Variants in ZFHX3 observed in about 807,000 individuals in gnomAD.
ZFHX3 encodes the protein zinc finger homeobox 3.
ZFHX3 carries 42 observed loss-of-function variants against 279.1 expected under a neutral mutation model. The ratio of observed to expected loss-of-function variants is 0.15; its 90% CI spans 0.12 to 0.19. ZFHX3 has a LOEUF of 0.19. ZFHX3 is among the 10% of genes least tolerant of loss of function. The pLI, the probability that ZFHX3 is intolerant of heterozygous loss-of-function variation, is 1.00. For missense variants in ZFHX3, 4,981 were observed against 4,754.0 expected, an observed-to-expected ratio of 1.05 and a Z score of -1.40; for synonymous variants, 2,293 against 1,957.8, an observed-to-expected ratio of 1.17 and a Z score of -4.52.
chr16:72,818,282 C>A (rs2036673413), intron 5 of ZFHX3, among the ~76,000 whole-genome samples: 1 of 152,292 alleles, frequency 6.6e-6, no homozygotes, highest in Non-Finnish European at 1.5e-5. Context: ...AGCAGAAATG[C>A]AATGTTTCCA....
intron 4 of ZFHX3, among the ~76,000 whole-genome samples, chr16:72,874,773 C>T (rs1022618016): frequency 3.9e-5 from 6 of 152,180 alleles, no homozygotes; most frequent in East Asian, 1.9e-4. Flanking sequence ...GCATTGCCGG[C>T]GTAAGCCACC....
rs973287634 is a variant in ZFHX3 at position 73,047,808 on chromosome 16, G to A, written c.-106C>T. On this transcript the variant is annotated 5_prime_UTR_variant, in exon 1 of 10. Coordinates refer to ENST00000268489, the MANE Select transcript of ZFHX3 (RefSeq NM_006885.4). ...GGGAGGCGGCACTTGCAGGTCCGGG[G>A]GCCGCGCCGCCATGCGCAACAACGG... The A allele has an allele frequency of 8.5e-5, 13 of 152,456 alleles. No individual in the cohort carries two copies. The highest frequency in any genetic ancestry group is 8.5e-4 in the Admixed American group (13 of 15,294). The allele number at this position is 152,456 out of a possible 1,614,324, so 9.4% of individuals were successfully genotyped here. A position where few individuals can be genotyped will look rare whatever the true frequency, so the allele number is the denominator to read the frequency against.
chr16:72,822,494 T>C (rs1350257792), intron 5 of ZFHX3, among the ~76,000 whole-genome samples: 1 of 152,176 alleles, frequency 6.6e-6, no homozygotes, highest in Non-Finnish European at 1.5e-5. Context: ...GAGAACCTAA[T>C]GAACGTGCTC....
intron 4 of ZFHX3, among the ~76,000 whole-genome samples, chr16:73,281,647 T>C (rs1357281808): frequency 6.6e-6 from 1 of 152,202 alleles, no homozygotes; most frequent in Non-Finnish European, 1.5e-5. Flanking sequence ...ACAGTCATAA[T>C]AAAGGGCATG....
At chr16:73,403,985 G>C (rs551195097) in intron 3 of ZFHX3, among the ~76,000 whole-genome samples, 19 of 152,230 alleles carry the variant, frequency 1.2e-4, no homozygotes, top group Non-Finnish European at 2.2e-4. Context: ...ACTCCTGTGG[G>C]GAATTTTAAG....
At chr16:73,816,845 C>A (rs1292271964) in intron 1 of ZFHX3, among the ~76,000 whole-genome samples, 2 of 152,210 alleles carry the variant, frequency 1.3e-5, no homozygotes, top group African/African-American at 4.8e-5. Context: ...ACCCAGACAA[C>A]TGGACTTGAC....
chr16:73,199,799 C>G (rs1349516283), intron 5 of ZFHX3, among the ~76,000 whole-genome samples: 1 of 152,126 alleles, frequency 6.6e-6, no homozygotes, highest in Non-Finnish European at 1.5e-5. Flanking sequence ...GTGAACGAGG[C>G]CAACTCCAAA....
intron 1 of ZFHX3, among the ~76,000 whole-genome samples, chr16:73,860,373 T>A (rs1961849531): frequency 6.6e-6 from 1 of 151,648 alleles, no homozygotes; most frequent in Admixed American, 6.6e-5. Flanking sequence ...GCTTTCCTTG[T>A]TTTTCATTCC....
intron 1 of ZFHX3, among the ~76,000 whole-genome samples, chr16:73,823,003 C>T (rs75268448): frequency 0.011 from 1,619 of 152,268 alleles, 39 homozygotes; most frequent in African/African-American, 0.037. Flanking sequence ...GGGCTATATG[C>T]TAAGGATGTA....
intron 4 of ZFHX3, among the ~76,000 whole-genome samples, chr16:72,868,635 C>A (rs1401449480): frequency 2.6e-5 from 4 of 152,340 alleles, no homozygotes; most frequent in African/African-American, 9.6e-5. Flanking sequence ...GCTACAACTA[C>A]ATCCCATGAC....
chr16:73,451,668 C>G (rs1330344368), intron 3 of ZFHX3, among the ~76,000 whole-genome samples: 1 of 152,156 alleles, frequency 6.6e-6, no homozygotes, highest in African/African-American at 2.4e-5. Flanking sequence ...TATTACTACT[C>G]TCTGAGTAAG....
intron 5 of ZFHX3, among the ~76,000 whole-genome samples, chr16:73,249,334 T>C (rs556046277): frequency 1.3e-5 from 2 of 152,354 alleles, no homozygotes; most frequent in East Asian, 3.9e-4. Context: ...TCTGTTCTCA[T>C]GCTGCTAATA....
chr16:73,666,877 T>G (rs1237107923), intron 2 of ZFHX3, among the ~76,000 whole-genome samples: 14 of 151,998 alleles, frequency 9.2e-5, no homozygotes, highest in Non-Finnish European at 4.4e-5. Flanking sequence ...GATGTTTGAG[T>G]CTGGCTTCTT....
At chr16:73,207,140 A>G (rs896310250) in intron 5 of ZFHX3, among the ~76,000 whole-genome samples, 1 of 152,202 alleles carries the variant, frequency 6.6e-6, no homozygotes, top group African/African-American at 2.4e-5. Context: ...CCTGTACTCC[A>G]AGGTTTACTA....
At chr16:73,546,671 TTGC>T (rs57427757) in intron 2 of ZFHX3, among the ~76,000 whole-genome samples, 20,598 of 143,210 alleles carry the variant, frequency 0.14, 1,758 homozygotes, top group Non-Finnish European at 0.19. Context: ...GGTGCTGCTG[TTGC>T]TGCTGCTGCT....
At chr16:73,276,469 G>T (rs2014305847) in intron 4 of ZFHX3, among the ~76,000 whole-genome samples, 1 of 152,094 alleles carries the variant, frequency 6.6e-6, no homozygotes, top group Non-Finnish European at 1.5e-5. Context: ...ACAGGTGTGA[G>T]CCACTGTGCC....
chr16:73,372,464 A>G (rs956064757), intron 3 of ZFHX3, among the ~76,000 whole-genome samples: 4 of 152,256 alleles, frequency 2.6e-5, no homozygotes, highest in African/African-American at 7.2e-5. Flanking sequence ...AAATTCAAAT[A>G]AAGAATTAAT....
chr16:72,829,728 C>G lies in ZFHX3; in HGVS notation c.3529+51G>C, dbSNP rs533380328. The G allele has an allele frequency of 5.5e-5, 88 of 1,600,464 alleles. No individual in the cohort carries two copies. In the East Asian group the frequency reaches 1.9e-3, roughly 34 times the overall value. On this transcript the variant is annotated intron_variant, in intron 5 of 9. Transcript: ENST00000268489. ...TTCCAGGGAAGGAAAGATGAGAAGG[C>G]TCAAGGACAGCCACACACACTACCT... is the stretch of plus-strand genomic sequence containing the variant.
chr16:73,494,025 G>A (rs1171854253), intron 2 of ZFHX3, among the ~76,000 whole-genome samples: 1 of 152,032 alleles, frequency 6.6e-6, no homozygotes, highest in Non-Finnish European at 1.5e-5. Context: ...CTCCATACTG[G>A]CCCTGCCTAG....
Sources: allele counts gnomAD v4.1 joint callset (sites outside exome capture counted in the v4.1 genomes callset), GRCh38; gene constraint gnomAD v4.1.1; transcripts MANE v1.5; gene names NCBI Gene and HGNC (gene_info 2026-07-23, HGNC 2026-07-21).